TEC: variants seen among roughly 807,000 people sequenced by gnomAD.
TEC encodes the protein tec protein tyrosine kinase.
TEC carries 72 observed loss-of-function variants against 93.0 expected under a neutral mutation model. The observed-to-expected ratio is 0.77, with a 90% CI of 0.64 to 0.94. The LOEUF (loss-of-function observed/expected upper bound fraction) is 0.94. Ranked by LOEUF, TEC falls within the 40% of genes least tolerant of loss-of-function variation. The probability of loss-of-function intolerance (pLI) is 0.00; values close to 1 mark genes in which losing one functional copy is unlikely to be tolerated. For missense variants in TEC, 630 were observed against 757.9 expected (o/e 0.83, Z 1.98); for synonymous variants, 249 against 247.7 (o/e 1.01, Z -0.05).
chr4:48,253,866 G>A (rs752838283), intron 1 of TEC, among the ~76,000 whole-genome samples: 6 of 152,134 alleles, frequency 3.9e-5, no homozygotes, highest in South Asian at 2.1e-4. Flanking sequence ...GTGAGCCACC[G>A]AGCCTGGCCT....
At chr4:48,253,080 G>A (rs755133804) in intron 1 of TEC, among the ~76,000 whole-genome samples, 22 of 152,040 alleles carry the variant, frequency 1.4e-4, no homozygotes, top group Non-Finnish European at 2.9e-4. Context: ...CCTGAACCTC[G>A]TTAACATCTC....
chr4:48,143,787 T>C (rs1483399628), intron 14 of TEC, among the ~76,000 whole-genome samples: 1 of 152,218 alleles, frequency 6.6e-6, no homozygotes, highest in Non-Finnish European at 1.5e-5. Flanking sequence ...TTGGAAGTTA[T>C]TTTATCCTAT....
At chr4:48,196,260 GA>G (rs1722299155) in intron 2 of TEC, among the ~76,000 whole-genome samples, 1 of 152,184 alleles carries the variant, frequency 6.6e-6, no homozygotes, top group Non-Finnish European at 1.5e-5. Context: ...CCTGGGCTAA[GA>G]ACCAGCAGGC....
intron 2 of TEC, among the ~76,000 whole-genome samples, chr4:48,191,228 C>G (rs918206145): frequency 2.6e-5 from 4 of 152,214 alleles, no homozygotes; most frequent in African/African-American, 9.6e-5. Context: ...CATAATTTAT[C>G]TGGACCCTCA....
At chr4:48,212,110 A>AAAT in intron 2 of TEC, among the ~76,000 whole-genome samples, 33 of 122,250 alleles carry the variant, frequency 2.7e-4, no homozygotes, top group South Asian at 1.2e-3. Context: ...AAAAAAAAAA[A>AAAT]ATATATATAT....
chr4:48,150,637 A>G (rs1486554163), intron 10 of TEC, among the ~76,000 whole-genome samples: 2 of 152,224 alleles, frequency 1.3e-5, no homozygotes, highest in Non-Finnish European at 2.9e-5. Context: ...GAATGTTACT[A>G]AAGTTATTAT....
At chr4:48,202,773 C>G (rs1722575155) in intron 2 of TEC, among the ~76,000 whole-genome samples, 1 of 152,166 alleles carries the variant, frequency 6.6e-6, no homozygotes, top group African/African-American at 2.4e-5. Flanking sequence ...TGGCTATGCT[C>G]ACTTGCCCAG....
chr4:48,204,379 C>T (rs73138447), intron 2 of TEC, among the ~76,000 whole-genome samples: 13,653 of 152,192 alleles, frequency 0.09, 753 homozygotes, highest in East Asian at 0.22. Context: ...TCACAGCTCA[C>T]TGATGGAGGT....
rs185469138 is a variant in TEC at position 48,248,173 on chromosome 4, T to C, written c.-45-19514A>G. Among the ~76,000 whole-genome samples the C allele has an allele frequency of 2.5e-3, 385 of 152,348 alleles. 3 individuals carry two copies. Among genetic ancestry groups the C allele is most frequent in the Non-Finnish European group, 3.8e-3 (257 of 68,022 alleles). ...AGCACTGGAAGTTCTATCAGTTAGC[T>C]TTTGATTAGAACAAAAACAAAACCC... On this transcript the variant is annotated intron_variant, in intron 1 of 17. Transcript: ENST00000381501.
At chr4:48,264,935 G>A (rs1724593870) in intron 1 of TEC, among the ~76,000 whole-genome samples, 1 of 152,052 alleles carries the variant, frequency 6.6e-6, no homozygotes, top group South Asian at 2.1e-4. Context: ...CACCCTGCCT[G>A]AACCCCAGAC....
chr4:48,170,255 A>G lies in TEC; in HGVS notation c.447T>C (p.Phe149=). 1.3e-6 allele frequency: 2 copies of G among 1,592,136 alleles called. No homozygotes were observed. Among genetic ancestry groups the G allele is most frequent in the South Asian group, 1.1e-5 (1 of 89,018 alleles). Residue 149 remains phenylalanine (F), a synonymous_variant, in exon 5 of 18, where the codon TTT becomes TTC. Coordinates refer to ENST00000381501, the MANE Select transcript of TEC (RefSeq NM_003215.3). ...AATAAAATGAATACTTACTGCTCTCAAAAAGATTGTATTTTTCACATCCGG... is the reference window on the plus strand; with the variant it reads ...AATAAAATGAATACTTACTGCTCTCGAAAAGATTGTATTTTTCACATCCGG... ...LAPGCEKYNL[F]ESSIRKALPP...
chr4:48,171,408 A>T lies in TEC; in HGVS notation c.285T>A (p.Ser95Arg). The T allele has an allele frequency of 1.2e-6, 2 of 1,613,772 alleles. No individual in the cohort carries two copies. Among genetic ancestry groups the T allele is most frequent in the East Asian group, 4.5e-5 (2 of 44,850 alleles). Reference sequence around the variant, plus strand: ...TCACCCACAGGTCCCTGCTTTGTGGACTAGGTGCAAAAATGTAAAGTGTGT... The same window carrying T: ...TCACCCACAGGTCCCTGCTTTGTGGTCTAGGTGCAAAAATGTAAAGTGTGT... Reference protein sequence around the residue: ...DANTLYIFAPSPQSRDLWVKK... With the variant: ...DANTLYIFAPRPQSRDLWVKK... Residue 95 changes from serine to arginine, a missense_variant, in exon 4 of 18, where the codon AGT (serine) becomes AGA (arginine). Transcript: ENST00000381501.
At chr4:48,247,804 A>G (rs1724099933) in intron 1 of TEC, among the ~76,000 whole-genome samples, 1 of 152,254 alleles carries the variant, frequency 6.6e-6, no homozygotes, top group Non-Finnish European at 1.5e-5. Flanking sequence ...CATCATAAAT[A>G]TAGTAAAAAT....
intron 14 of TEC, 112 bp from the exon 15 acceptor site, chr4:48,141,531 G>A: frequency 9.8e-7 from 1 of 1,024,886 alleles, no homozygotes. Context: ...CATTTGCAGA[G>A]AGTGGAAACA....
At chr4:48,167,490 A>G (rs1720916924) in intron 7 of TEC, among the ~76,000 whole-genome samples, 1 of 152,192 alleles carries the variant, frequency 6.6e-6, no homozygotes, top group Admixed American at 6.5e-5. Context: ...GGTGGGGACA[A>G]AATATAAAAT....
chr4:48,206,581 G>C (rs982245086), intron 2 of TEC, among the ~76,000 whole-genome samples: 4 of 152,048 alleles, frequency 2.6e-5, no homozygotes, highest in Admixed American at 6.6e-5. Flanking sequence ...TAAGAGAAAT[G>C]CAAGTTAAAA....
intron 2 of TEC, among the ~76,000 whole-genome samples, chr4:48,217,973 A>G (rs890969700): frequency 1.3e-5 from 2 of 151,626 alleles, no homozygotes; most frequent in Admixed American, 1.3e-4. Context: ...AAAAAAAGAC[A>G]GTGAATATCA....
chr4:48,198,530 A>G (rs571907006), intron 2 of TEC, among the ~76,000 whole-genome samples: 33 of 152,242 alleles, frequency 2.2e-4, no homozygotes, highest in Non-Finnish European at 4.3e-4. Flanking sequence ...TTTCCCTGTC[A>G]TATCTTTACA....
At chr4:48,152,653 G>A (rs1420920637) in intron 9 of TEC, among the ~76,000 whole-genome samples, 2 of 152,052 alleles carry the variant, frequency 1.3e-5, no homozygotes, top group Non-Finnish European at 2.9e-5. Context: ...TTTGCACCAG[G>A]TCATGCAGCT....
Sources: gnomAD v4.1 joint callset for allele counts (sites outside exome capture counted in the v4.1 genomes callset) on GRCh38, gnomAD v4.1.1 for gene constraint, MANE v1.5 for transcripts, NCBI Gene and HGNC (gene_info 2026-07-23, HGNC 2026-07-21) for gene names.